The following ST6GALNAC3 variants were observed in gnomAD, a reference collection of about 807,000 sequenced individuals.
ST6GALNAC3 encodes the protein alpha-N-acetylgalactosaminide alpha-2,6-sialyltransferase 3.
A neutral mutation model predicts 32.7 loss-of-function variants in ST6GALNAC3; 25 were observed. The ratio of observed to expected loss-of-function variants is 0.76; its 90% CI spans 0.56 to 1.07. The LOEUF (loss-of-function observed/expected upper bound fraction) is 1.07. Ranked by LOEUF, ST6GALNAC3 falls within the 50% of genes least tolerant of loss-of-function variation. The pLI, the probability that ST6GALNAC3 is intolerant of heterozygous loss-of-function variation, is 0.00. For synonymous variants in ST6GALNAC3, 129 were observed against 133.1 expected (o/e 0.97, Z 0.21); for missense variants, 355 against 382.4 (o/e 0.93, Z 0.60).
At chr1:76,278,322 C>A (rs894735242) in intron 1 of ST6GALNAC3, among the ~76,000 whole-genome samples, 6 of 150,514 alleles carry the variant, frequency 4.0e-5, no homozygotes, top group Non-Finnish European at 5.9e-5. Context: ...CCCGGGTTCA[C>A]GCCATTCTCC....
chr1:76,142,920 C>T (rs974992547), intron 1 of ST6GALNAC3: 1 of 449,046 alleles, frequency 2.2e-6, no homozygotes, highest in Admixed American at 2.4e-5. Context: ...CTGGGCACAC[C>T]GTATCTTTTA....
chr1:76,262,143 C>A (rs771132997), intron 1 of ST6GALNAC3, among the ~76,000 whole-genome samples: 4 of 152,148 alleles, frequency 2.6e-5, no homozygotes, highest in Non-Finnish European at 5.9e-5. Context: ...CTTACTGTGT[C>A]CCAGAAAAAT....
At chr1:76,223,436 A>G (rs1655893591) in intron 1 of ST6GALNAC3, among the ~76,000 whole-genome samples, 1 of 152,122 alleles carries the variant, frequency 6.6e-6, no homozygotes, top group African/African-American at 2.4e-5. Flanking sequence ...GGATCGAAAA[A>G]CTACCTATCA....
rs142233372 is a variant in ST6GALNAC3, at chr1:76,335,595, T to C, written c.213+21596T>C. The stretch of plus-strand genomic sequence containing the variant: ...AGAACATGCAAACTCCACACAGACG[T>C]TGGCCCTGGCAGGAAATTGATTTTT... On this transcript the variant is annotated intron_variant, in intron 2 of 4. Coordinates refer to ENST00000328299, the MANE Select transcript of ST6GALNAC3 (RefSeq NM_152996.4). Among the ~76,000 whole-genome samples the C allele has an allele frequency of 2.4e-3, 361 of 152,294 alleles. 1 individual carries two copies. The highest frequency in any genetic ancestry group is 7.5e-3 in the African/African-American group (311 of 41,572).
At position 76,630,807 on chromosome 1, in the gene ST6GALNAC3, ATGT is replaced by A. The variant is rs1195799826; in HGVS notation, c.*2003_*2005del. 2 of 985,464 alleles carry A rather than the reference ATGT, an allele frequency of 2.0e-6. No individual in the cohort carries two copies. Among genetic ancestry groups the A allele is most frequent in the African/African-American group, 1.7e-5 (1 of 57,166 alleles). The allele number at this position is 985,464 out of a possible 1,614,324, so 61.0% of individuals were successfully genotyped here. On this transcript the variant is annotated 3_prime_UTR_variant, in exon 5 of 5. Transcript: ENST00000328299. Reference sequence around the variant, plus strand: ...CCTTATGCAATTTTTAATTCTATGAATGTTAAGTTTTTTTGAGCTAATGATAGA... The same window carrying A: ...CCTTATGCAATTTTTAATTCTATGAATAAGTTTTTTTGAGCTAATGATAGA...
At chr1:76,539,648 A>G (rs1362506702) in intron 3 of ST6GALNAC3, among the ~76,000 whole-genome samples, 1 of 137,228 alleles carries the variant, frequency 7.3e-6, no homozygotes, top group East Asian at 2.3e-4. Flanking sequence ...AGAATTTACT[A>G]GGAACTTAAA....
intron 1 of ST6GALNAC3, among the ~76,000 whole-genome samples, chr1:76,090,792 T>G (rs1295206996): frequency 1.3e-5 from 2 of 152,136 alleles, no homozygotes; most frequent in Non-Finnish European, 2.9e-5. Flanking sequence ...TGGGGGCTGG[T>G]GGGACATTAG....
At chr1:76,211,697 A>G (rs539221872) in intron 1 of ST6GALNAC3, among the ~76,000 whole-genome samples, 50 of 151,876 alleles carry the variant, frequency 3.3e-4, no homozygotes, top group African/African-American at 1.2e-3. Context: ...AAAATACCAA[A>G]CACCGCATGT....
intron 1 of ST6GALNAC3, among the ~76,000 whole-genome samples, chr1:76,080,499 A>G (rs1221887785): frequency 6.6e-6 from 1 of 151,916 alleles, no homozygotes; most frequent in African/African-American, 2.4e-5. Flanking sequence ...TCTGGGGCCA[A>G]TTTAAGATCT....
At chr1:76,607,792 G>A (rs1017419678) in intron 3 of ST6GALNAC3, among the ~76,000 whole-genome samples, 6 of 152,044 alleles carry the variant, frequency 3.9e-5, no homozygotes, top group Admixed American at 1.3e-4. Flanking sequence ...TACCCACCCC[G>A]TAGCCCAGTA....
At chr1:76,173,639 G>T (rs1343807759) in intron 1 of ST6GALNAC3, among the ~76,000 whole-genome samples, 1 of 151,984 alleles carries the variant, frequency 6.6e-6, no homozygotes, top group African/African-American at 2.4e-5. Context: ...ATATTTACAA[G>T]AAAGAAACAA....
In ST6GALNAC3 at chr1:76,288,021, G is replaced by A. The variant is rs544878491; in HGVS notation, c.19-25784G>A. ...ATGTGCTTATTACCTACAATTCACTGCCCAACTGAGAAGTAGCATGGGAGA... is the reference window on the plus strand; with the variant it reads ...ATGTGCTTATTACCTACAATTCACTACCCAACTGAGAAGTAGCATGGGAGA... On this transcript the variant is annotated intron_variant, in intron 1 of 4. Coordinates refer to ENST00000328299, the MANE Select transcript of ST6GALNAC3 (RefSeq NM_152996.4). Among the ~76,000 whole-genome samples, 6 of 152,270 alleles carry A rather than the reference G, an allele frequency of 3.9e-5. No individual in the cohort carries two copies. In the South Asian group the frequency reaches 1.0e-3, roughly 26 times the overall value.
In ST6GALNAC3 at chr1:76,553,544, C is replaced by T. The variant is rs1018382247; in HGVS notation, c.624-73908C>T. 8.5e-5 allele frequency among the ~76,000 whole-genome samples: 13 copies of T among 152,298 alleles called. No individual in the cohort carries two copies. In the South Asian group the frequency reaches 2.1e-3, roughly 24 times the overall value. The stretch of plus-strand genomic sequence containing the variant: ...TTTCAAAACGAGCCCTTAACTGCCC[C>T]GCATAACTGGGTCCTGCTTGTGAGC... On this transcript the variant is annotated intron_variant, in intron 3 of 4. Transcript: ENST00000328299.
chr1:76,138,347 A>T (rs1650078408), intron 1 of ST6GALNAC3, among the ~76,000 whole-genome samples: 1 of 152,100 alleles, frequency 6.6e-6, no homozygotes, highest in Admixed American at 6.5e-5. Flanking sequence ...TTTCCTTGAA[A>T]GTTTTTTTTC....
chr1:76,209,892 G>C (rs1240253699), intron 1 of ST6GALNAC3, among the ~76,000 whole-genome samples: 1 of 152,002 alleles, frequency 6.6e-6, no homozygotes, highest in Non-Finnish European at 1.5e-5. Context: ...TTTGGCTCCT[G>C]GCTTTGAATC....
intron 2 of ST6GALNAC3, among the ~76,000 whole-genome samples, chr1:76,379,283 A>G (rs1203421825): frequency 1.3e-5 from 2 of 152,012 alleles, no homozygotes; most frequent in African/African-American, 2.4e-5. Context: ...TTTTGACTAT[A>G]TATTTTCTTT....
At chr1:76,093,673 ATCC>A (rs1410172750) in intron 1 of ST6GALNAC3, among the ~76,000 whole-genome samples, 3 of 152,212 alleles carry the variant, frequency 2.0e-5, no homozygotes, top group South Asian at 4.1e-4. Flanking sequence ...CAGGATATAA[ATCC>A]TCCTCTACTG....
At chr1:76,081,844 A>C (rs918811546) in intron 1 of ST6GALNAC3, among the ~76,000 whole-genome samples, 1 of 152,188 alleles carries the variant, frequency 6.6e-6, no homozygotes, top group African/African-American at 2.4e-5. Flanking sequence ...AATCGTATAC[A>C]TTTCAGGCTC....
At chr1:76,483,257 G>T (rs1357061624) in intron 3 of ST6GALNAC3, among the ~76,000 whole-genome samples, 1 of 152,136 alleles carries the variant, frequency 6.6e-6, no homozygotes, top group Non-Finnish European at 1.5e-5. Context: ...GGATGGCTGG[G>T]TCAAATGGTA....
Sources: gnomAD v4.1 joint callset for allele counts (sites outside exome capture counted in the v4.1 genomes callset) on GRCh38, gnomAD v4.1.1 for gene constraint, MANE v1.5 for transcripts, NCBI Gene and HGNC (gene_info 2026-07-23, HGNC 2026-07-21) for gene names.